The following PTGER3 variants were observed in gnomAD, a reference collection of about 807,000 sequenced individuals.
PTGER3 encodes prostaglandin E receptor 3.
Under a neutral mutation model 34.7 loss-of-function variants are expected in PTGER3, and 22 were observed. That is an observed-to-expected ratio of 0.63 (90% CI 0.45 to 0.91). The LOEUF is 0.91. Among genes scored for constraint, PTGER3 ranks in the 40% least tolerant of loss-of-function variants. The pLI is 0.00. For missense variants in PTGER3, 468 were observed against 519.4 expected (o/e 0.90, Z 0.96); for synonymous variants, 241 against 230.1 (o/e 1.05, Z -0.43).
chr1:70,969,295 A>G (rs1652847789), downstream of PTGER3, among the ~76,000 whole-genome samples: 1 of 152,214 alleles, frequency 6.6e-6, no homozygotes, highest in Non-Finnish European at 1.5e-5. Flanking sequence ...GTTTAACGTG[A>G]AATGACAACA....
At chr1:70,990,382 CACACATAT>C (rs1423896775) in intron 2 of PTGER3, among the ~76,000 whole-genome samples, 2 of 107,388 alleles carry the variant, frequency 1.9e-5, no homozygotes, top group Admixed American at 9.7e-5. Context: ...CACACACACA[CACACATAT>C]ATATATATAT....
intron 2 of PTGER3, among the ~76,000 whole-genome samples, chr1:70,965,157 A>T (rs1652378869): frequency 1.3e-5 from 2 of 152,180 alleles, no homozygotes; most frequent in African/African-American, 2.4e-5. Flanking sequence ...ATCCAGGTGG[A>T]TGTAAAAAAA....
chr1:71,010,994 TA>T (rs1553175728), intron 2 of PTGER3: 1 of 985,572 alleles, frequency 1.0e-6, no homozygotes, highest in Non-Finnish European at 1.2e-6. Flanking sequence ...ATCTTCACAA[TA>T]AAAAGTTAAT....
chr1:70,911,078 T>A (rs1647050822), intron 4 of PTGER3, among the ~76,000 whole-genome samples: 1 of 143,230 alleles, frequency 7.0e-6, no homozygotes, highest in East Asian at 2.0e-4. Context: ...AGACTCCATT[T>A]AAAAAAAAAA....
intron 4 of PTGER3, among the ~76,000 whole-genome samples, chr1:70,926,132 C>G (rs1019332481): frequency 6.6e-6 from 1 of 152,110 alleles, no homozygotes; most frequent in Non-Finnish European, 1.5e-5. Context: ...GAGCTTCTGA[C>G]CCAACATAGT....
At chr1:71,019,247 T>G (rs1268171100) in intron 1 of PTGER3, among the ~76,000 whole-genome samples, 2 of 152,202 alleles carry the variant, frequency 1.3e-5, no homozygotes, top group Admixed American at 1.3e-4. Context: ...AGCAGGATGC[T>G]CAGCTAACAG....
chr1:70,898,665 G>A (rs535271903), intron 4 of PTGER3, among the ~76,000 whole-genome samples: 1 of 152,126 alleles, frequency 6.6e-6, no homozygotes, highest in African/African-American at 2.4e-5. Context: ...GGAAAAGTTA[G>A]TTCTTTCTCT....
chr1:71,032,008 G>T (rs1572982468), intron 1 of PTGER3, among the ~76,000 whole-genome samples: 2 of 152,242 alleles, frequency 1.3e-5, no homozygotes, highest in South Asian at 4.1e-4. Flanking sequence ...TATTCTTGGA[G>T]AAAATTACTA....
chr1:70,946,970 T>C (rs1342851105), intron 4 of PTGER3, among the ~76,000 whole-genome samples: 2 of 152,106 alleles, frequency 1.3e-5, no homozygotes. Flanking sequence ...TTCAGTGACC[T>C]GGGATAGCAC....
At chr1:70,983,594 T>G (rs1300484419) in intron 2 of PTGER3, among the ~76,000 whole-genome samples, 1 of 152,186 alleles carries the variant, frequency 6.6e-6, no homozygotes, top group African/African-American at 2.4e-5. Flanking sequence ...ACACTAGTTA[T>G]GATTTGCTGT....
chr1:70,928,554 G>C (rs1159796189), intron 4 of PTGER3, among the ~76,000 whole-genome samples: 1 of 152,012 alleles, frequency 6.6e-6, no homozygotes, highest in East Asian at 1.9e-4. Flanking sequence ...GATCACTTGA[G>C]CCTGAGAGAT....
intron 4 of PTGER3, among the ~76,000 whole-genome samples, chr1:70,911,177 A>G (rs970262483): frequency 7.3e-5 from 11 of 151,670 alleles, no homozygotes; most frequent in Admixed American, 5.9e-4. Flanking sequence ...TTGAGAACCA[A>G]AAGTGCTTAA....
intron 2 of PTGER3, among the ~76,000 whole-genome samples, chr1:70,981,396 C>CT (rs1557709262): frequency 6.7e-4 from 51 of 76,170 alleles, no homozygotes; most frequent in East Asian, 1.7e-3. Context: ...TCTTTCTTTC[C>CT]TTCCTTCCTT....
chr1:71,011,158 C>G lies in PTGER3; in HGVS notation c.1077+1147G>C, dbSNP rs116310643. ...TTGTGCACAAATACGTCAAGCTTAG[C>G]TATTGAGGTTTGTATTCATGTAGAC... is the stretch of plus-strand genomic sequence containing the variant. On this transcript the variant is annotated intron_variant, in intron 2 of 3. Transcript: ENST00000306666. The G allele has an allele frequency of 1.2e-5, 12 of 985,432 alleles. No homozygotes were observed. In the South Asian group the frequency reaches 4.2e-4, roughly 35 times the overall value. 61.0% of individuals were successfully genotyped at this position (985,432 alleles called of 1,614,324 possible).
In PTGER3 at chr1:70,854,989, T is replaced by C. The variant is rs185147103; in HGVS notation, c.*24-2130A>G. 4.6e-5 allele frequency among the ~76,000 whole-genome samples: 7 copies of C among 152,182 alleles called. No homozygotes were observed. The South Asian group carries it at 1.0e-3, about 22-fold the overall frequency. On this transcript the variant is annotated intron_variant, in intron 4 of 4. Transcript: ENST00000370931. ...CACTCTGGGTACATATCCAGAAGAA[T>C]TGAAGACAGACTCTTGATGACGTAT...
Position 70,918,424 on chromosome 1 carries a change from G to C in PTGER3, c.*23+35339C>G, listed in dbSNP as rs1438545640. On this transcript the variant is annotated intron_variant, in intron 4 of 4. Transcript: ENST00000370931. Reference sequence around the variant, plus strand: ...AAATGAGATTACATCAAACCAAAAAGCTTCTTCACAGTCAAGGAAACAATC... The same window carrying C: ...AAATGAGATTACATCAAACCAAAAACCTTCTTCACAGTCAAGGAAACAATC... Among the ~76,000 whole-genome samples, 5 of 151,950 alleles carry C rather than the reference G, an allele frequency of 3.3e-5. No individual in the cohort carries two copies. In the East Asian group the frequency reaches 7.7e-4, roughly 23 times the overall value.
intron 1 of PTGER3, among the ~76,000 whole-genome samples, chr1:71,024,555 A>G (rs1658710916): frequency 6.6e-6 from 1 of 152,100 alleles, no homozygotes. Flanking sequence ...GAATGAGAGC[A>G]AGGGTATAGT....
chr1:70,971,696 G>A lies in PTGER3; in HGVS notation c.*34C>T, dbSNP rs1247024344. On this transcript the variant is annotated 3_prime_UTR_variant, in exon 4 of 4. Transcript: ENST00000306666. ...GAAATATGCAAATTCAGGGAAGCAG[G>A]AATTGCAATAAAATGTCCAACTCCG... is the stretch of plus-strand genomic sequence containing the variant. The A allele has an allele frequency of 5.8e-6, 9 of 1,552,118 alleles. No homozygotes were observed. The highest frequency in any genetic ancestry group is 7.8e-6 in the Non-Finnish European group (9 of 1,149,774).
chr1:71,008,526 T>G (rs1291364624), intron 2 of PTGER3: 7 of 950,942 alleles, frequency 7.4e-6, no homozygotes, highest in Non-Finnish European at 8.8e-6. Flanking sequence ...AATACTGAAC[T>G]GATGTCAGCT....
Sources: allele counts gnomAD v4.1 joint callset (sites outside exome capture counted in the v4.1 genomes callset), GRCh38; gene constraint gnomAD v4.1.1; transcripts MANE v1.5; gene names NCBI Gene and HGNC (gene_info 2026-07-23, HGNC 2026-07-21).